The following LRP1 variants were observed in gnomAD, a reference collection of about 807,000 sequenced individuals.
LRP1 encodes the protein prolow-density lipoprotein receptor-related protein 1.
LRP1 carries 51 observed loss-of-function variants against 541.5 expected under a neutral mutation model. The observed-to-expected ratio is 0.09, with a 90% CI of 0.08 to 0.12. The LOEUF is 0.12. LRP1 is among the 10% of genes least tolerant of loss of function. The pLI, the probability that LRP1 is intolerant of heterozygous loss-of-function variation, is 1.00. For synonymous variants in LRP1, 2,219 were observed against 2,470.8 expected (o/e 0.90, Z 3.02); for missense variants, 3,878 against 6,376.2 (o/e 0.61, Z 13.34).
rs36063890 is a variant in LRP1, at chr12:57,201,408, G to A, written c.10346-89G>A. 6.5e-7 allele frequency: 1 copy of A among 1,528,124 alleles called. No homozygotes were observed. The highest frequency in any genetic ancestry group is 2.3e-5 in the East Asian group (1 of 44,164). The allele number at this position is 1,528,124 out of a possible 1,614,324, so 94.7% of individuals were successfully genotyped here. A position where few individuals can be genotyped will look rare whatever the true frequency, so the allele number is the denominator to read the frequency against. On this transcript the variant is annotated intron_variant, in intron 65 of 88. Transcript: ENST00000243077. This position sits in a 1 kb window ranked among gnomAD's most constrained non-coding sequence, Gnocchi z 6.4. ...CGAAGAAGTTGCTGGCAGGACCAAG[G>A]CCAGGGCTTGGAAGAGAGAGAAGAC...
chr12:57,149,379 A>C (rs2035481893), intron 6 of LRP1: 3 of 533,168 alleles, frequency 5.6e-6, no homozygotes, highest in Non-Finnish European at 1.0e-5. Context: ...GGCCCGGGCC[A>C]GCCCTGTGTC....
intron 55 of LRP1, 143 bp downstream of exon 55, chr12:57,196,420 C>G: frequency 1.2e-6 from 1 of 827,416 alleles, no homozygotes; most frequent in Non-Finnish European, 1.9e-6. Context: ...TGGGGTCTGC[C>G]TCTATCTGGC....
chr12:57,158,449 A>G lies in LRP1; in HGVS notation c.1609A>G (p.Ile537Val). Residue 537 changes from isoleucine to valine, a missense_variant, in exon 11 of 89, where the codon ATC (isoleucine) becomes GTC (valine). Physicochemically the swap from Ile to Val is conservative, Grantham distance 29. This residue lies in a region of LRP1 where 496 missense variants were observed against 861.0 expected (regional missense o/e 0.58). Transcript: ENST00000243077. This position sits in a 1 kb window ranked among gnomAD's most constrained non-coding sequence, Gnocchi z 5.3. Reference sequence around the variant, plus strand: ...CGTGTATGGCAAGGGCCGGCCAGGCATCATCCGGGGCATGGATATGGGGGC... The same window carrying G: ...CGTGTATGGCAAGGGCCGGCCAGGCGTCATCCGGGGCATGGATATGGGGGC... ...FLVYGKGRPG[I>V]IRGMDMGAKV... 1 of 1,613,908 alleles carries G rather than the reference A, an allele frequency of 6.2e-7. No homozygotes were observed.
chr12:57,135,995 G>A (rs896301016), intron 1 of LRP1, among the ~76,000 whole-genome samples: 6 of 152,282 alleles, frequency 3.9e-5, no homozygotes, highest in South Asian at 2.1e-4. Flanking sequence ...TGGGTGGCAC[G>A]GGGGTCTGTT....
At chr12:57,137,198 G>C (rs967664663) in intron 1 of LRP1, among the ~76,000 whole-genome samples, 21 of 150,014 alleles carry the variant, frequency 1.4e-4, no homozygotes, top group African/African-American at 5.1e-4. Flanking sequence ...CCAAGATCGT[G>C]CCATTGCACT....
intron 76 of LRP1, 90 bp from the exon 77 acceptor site, chr12:57,207,948 G>A (rs1450357639): frequency 1.9e-5 from 28 of 1,436,244 alleles, no homozygotes; most frequent in Non-Finnish European, 2.6e-5. Flanking sequence ...TGAGCCTGGG[G>A]TGACGTTCCA....
chr12:57,141,527 CT>C lies in LRP1; in HGVS notation c.328+17del, dbSNP rs1565714349. The C allele has an allele frequency of 6.2e-7, 1 of 1,614,154 alleles. No homozygotes were observed. Among genetic ancestry groups the C allele is most frequent in the Admixed American group, 1.7e-5 (1 of 60,028 alleles). On this transcript the variant is annotated intron_variant, in intron 3 of 88. Coordinates refer to ENST00000243077, the MANE Select transcript of LRP1 (RefSeq NM_002332.3). ...CACTGCCGAGGTAAGGACTTTTCCA[CT>C]CTCTACTCTCCCGTCTGGATGCAGC...
intron 6 of LRP1, chr12:57,149,459 T>G: frequency 1.7e-6 from 1 of 595,884 alleles, no homozygotes; most frequent in Non-Finnish European, 3.0e-6. Flanking sequence ...CCACCCAGAC[T>G]GCTCCCAGCA....
intron 42 of LRP1, among the ~76,000 whole-genome samples, chr12:57,188,160 G>A (rs1050919901): frequency 6.6e-6 from 1 of 152,320 alleles, no homozygotes; most frequent in African/African-American, 2.4e-5. Context: ...AAGCACCCGG[G>A]GGTGGGTGCT....
rs749453167 is a variant in LRP1, at chr12:57,167,462, C to G, written c.2933C>G (p.Pro978Arg). 6.2e-7 allele frequency: 1 copy of G among 1,614,054 alleles called. No individual in the cohort carries two copies. The highest frequency in any genetic ancestry group is 1.1e-5 in the South Asian group (1 of 91,086). Residue 978 changes from proline (P) to arginine (R), a missense_variant, in exon 19 of 89, where the codon CCC (proline) becomes CGC (arginine). Transcript: ENST00000243077. ...SASCAYPTCF[P>R]LTQFTCNNGR... ...CTCACAGCCTATCCCACCTGCTTCC[C>G]CCTGACTCAGTTTACCTGCAACAAT...
At chr12:57,191,607 C>A in intron 44 of LRP1, 95 bp downstream of exon 44, 1 of 1,087,434 alleles carries the variant, frequency 9.2e-7, no homozygotes, top group Non-Finnish European at 1.3e-6. Context: ...ATACCACACG[C>A]ACCCTACACA....
At chr12:57,155,113 A>G in intron 8 of LRP1, 2 of 409,508 alleles carry the variant, frequency 4.9e-6, no homozygotes, top group Non-Finnish European at 8.9e-6. Flanking sequence ...TGGCATCTCC[A>G]TTGTGGGATA....
Position 57,197,777 on chromosome 12 carries a change from T to C in LRP1, c.9282+113T>C. The C allele has an allele frequency of 8.0e-7, 1 of 1,245,892 alleles. No individual in the cohort carries two copies. Among genetic ancestry groups the C allele is most frequent in the Non-Finnish European group, 1.1e-6 (1 of 891,650 alleles). The allele number at this position is 1,245,892 out of a possible 1,614,324, so 77.2% of individuals were successfully genotyped here. On this transcript the variant is annotated intron_variant, in intron 58 of 88. Transcript: ENST00000243077. This position sits in a 1 kb window ranked among gnomAD's most constrained non-coding sequence, Gnocchi z 4.5. Reference sequence around the variant, plus strand: ...AATTGCTTCCTTCTCACTCCACTAGTCACTATATGACTGCTTGTTCTAGCT... The same window carrying C: ...AATTGCTTCCTTCTCACTCCACTAGCCACTATATGACTGCTTGTTCTAGCT...
Position 57,206,665 on chromosome 12 carries a change from G to A in LRP1, c.11783G>A (p.Ser3928Asn), listed in dbSNP as rs750052341. 10 of 1,613,750 alleles carry A rather than the reference G, an allele frequency of 6.2e-6. No individual in the cohort carries two copies. The highest frequency in any genetic ancestry group is 2.2e-5 in the South Asian group (2 of 91,090). Residue 3928 changes from serine to asparagine, a missense_variant, in exon 76 of 89, where the codon AGC (serine) becomes AAC (asparagine). By Grantham distance (46) the Ser-to-Asn change is conservative. This residue lies in a region of LRP1 where 871 missense variants were observed against 1,212.4 expected (regional missense o/e 0.72). Transcript: ENST00000243077. This position sits in a 1 kb window ranked among gnomAD's most constrained non-coding sequence, Gnocchi z 4.7. ...CACACGGGCACCATCTCCTACCGCA[G>A]CCTGCCACCTGCTGCGCCTCCTACC... Reference protein sequence around the residue: ...NWHTGTISYRSLPPAAPPTTS... With the variant: ...NWHTGTISYRNLPPAAPPTTS...
In LRP1 at chr12:57,179,719, G is replaced by GCTCCCCTCCTGACCCACTGC. The variant is rs1372722456; in HGVS notation, c.4967-61_4967-42dup. 2.6e-6 allele frequency: 4 copies of GCTCCCCTCCTGACCCACTGC among 1,519,878 alleles called. No individual in the cohort carries two copies. The highest frequency in any genetic ancestry group is 3.6e-6 in the Non-Finnish European group (4 of 1,105,660). The allele number at this position is 1,519,878 out of a possible 1,614,324, so 94.1% of individuals were successfully genotyped here. A position where few individuals can be genotyped will look rare whatever the true frequency, so the allele number is the denominator to read the frequency against. On this transcript the variant is annotated intron_variant, in intron 29 of 88. Coordinates refer to ENST00000243077, the MANE Select transcript of LRP1 (RefSeq NM_002332.3). This position sits in a 1 kb window ranked among gnomAD's most constrained non-coding sequence, Gnocchi z 6.8. The stretch of plus-strand genomic sequence containing the variant: ...TCCCTTTTCTCCAGAAGGCACACTG[G>GCTCCCCTCCTGACCCACTGC]CTCCCCTCCTGACCCACTGCCCTGC...
intron 22 of LRP1, among the ~76,000 whole-genome samples, chr12:57,174,500 C>T (rs935841290): frequency 1.6e-4 from 24 of 152,140 alleles, no homozygotes; most frequent in African/African-American, 5.6e-4. Context: ...TGGGGGCAGG[C>T]GCGGTGGCTC....
In LRP1 at chr12:57,190,997, C is replaced by T. The variant is rs779405001; in HGVS notation, c.7224C>T (p.Gly2408=). ...LDKIERCEYD[G]SHRYVILKSE... ...AGATCGAGCGGTGCGAGTATGACGGCTCCCACCGCTATGTGAGTCTGCGGG... is the reference window on the plus strand; with the variant it reads ...AGATCGAGCGGTGCGAGTATGACGGTTCCCACCGCTATGTGAGTCTGCGGG... Residue 2408 remains glycine, a synonymous_variant, in exon 43 of 89, where the codon GGC becomes GGT. Coordinates refer to ENST00000243077, the MANE Select transcript of LRP1 (RefSeq NM_002332.3). The T allele has an allele frequency of 2.5e-6, 4 of 1,610,696 alleles. No homozygotes were observed. Among genetic ancestry groups the T allele is most frequent in the Non-Finnish European group, 1.7e-6 (2 of 1,179,866 alleles).
chr12:57,169,246 C>T lies in LRP1; in HGVS notation c.3102C>T (p.Cys1034=), dbSNP rs150780066. 11 of 1,613,794 alleles carry T rather than the reference C, an allele frequency of 6.8e-6. No individual in the cohort carries two copies. The highest frequency in any genetic ancestry group is 4.0e-5 in the African/African-American group (3 of 74,936). The stretch of plus-strand genomic sequence containing the variant: ...GTTGCATCCCCGAGCACTGGACCTG[C>T]GATGGGGACAATGACTGCGGAGACT... The part of the protein sequence containing the change: ...SGRCIPEHWT[C]DGDNDCGDYS... The change falls in exon 20 of 89, where the codon TGC becomes TGT. Residue 1034 remains cysteine (C), a synonymous_variant. Transcript: ENST00000243077.
intron 77 of LRP1, 48 bp downstream of exon 77, chr12:57,208,264 C>T: frequency 6.3e-7 from 1 of 1,582,860 alleles, no homozygotes; most frequent in Non-Finnish European, 8.6e-7. Flanking sequence ...GGTAGGAAGC[C>T]CCCGGGACAG....
Sources: gnomAD v4.1 joint callset for allele counts (sites outside exome capture counted in the v4.1 genomes callset) on GRCh38, gnomAD v4.1.1 for gene constraint, gnomAD v4.1.1 regional missense constraint, Gnocchi (gnomAD v3.1) non-coding constraint, MANE v1.5 for transcripts, NCBI Gene and HGNC (gene_info 2026-07-23, HGNC 2026-07-21) for gene names.